CYP19A1: variants seen among roughly 807,000 people sequenced by gnomAD.
CYP19A1 encodes the protein aromatase.
A neutral mutation model predicts 44.4 loss-of-function variants in CYP19A1; 32 were observed. That is an observed-to-expected ratio of 0.72 (90% CI 0.54 to 0.97). The LOEUF is 0.97. Among genes scored for constraint, CYP19A1 ranks in the 50% least tolerant of loss-of-function variants. The pLI, the probability that CYP19A1 is intolerant of heterozygous loss-of-function variation, is 0.00. For synonymous variants in CYP19A1, 212 were observed against 215.6 expected (o/e 0.98, Z 0.14); for missense variants, 598 against 637.8 (o/e 0.94, Z 0.67).
intron 9 of CYP19A1, 21 bp downstream of exon 9, chr15:51,212,299 G>A (rs371472015): frequency 6.5e-7 from 1 of 1,546,666 alleles, no homozygotes; most frequent in African/African-American, 1.4e-5. Context: ...GGCACACTCA[G>A]TTTTAAGGAA....
chr15:51,236,870 G>T lies in CYP19A1; in HGVS notation c.285C>A (p.Leu95=). ...MRVWISGEET[L]IISKSSSMFH... is the part of the protein sequence containing the mutation. ...ATGAACAGACTCACTTGCTGATAAT[G>T]AGTGTTTCCTCTCCAGAGATCCAGA... The change falls in exon 3 of 10, where the codon CTC becomes CTA. Residue 95 remains leucine (L), a synonymous_variant. Transcript: ENST00000396402. 1.2e-6 allele frequency: 2 copies of T among 1,614,156 alleles called. No individual in the cohort carries two copies. Among genetic ancestry groups the T allele is most frequent in the Non-Finnish European group, 1.7e-6 (2 of 1,180,000 alleles).
chr15:51,225,461 C>G (rs891585138), intron 4 of CYP19A1, among the ~76,000 whole-genome samples: 14 of 152,178 alleles, frequency 9.2e-5, no homozygotes, highest in African/African-American at 3.4e-4. Context: ...AGTTTCATAA[C>G]ATTTATCACC....
intron 1 of CYP19A1, among the ~76,000 whole-genome samples, chr15:51,294,474 C>G (rs1375816387): frequency 1.7e-5 from 2 of 117,008 alleles, no homozygotes; most frequent in Non-Finnish European, 3.7e-5. Context: ...CCCCTCCGCC[C>G]GGCAGCTGCC....
At position 51,208,936 on chromosome 15, in the gene CYP19A1, A is replaced by C. The variant is rs1006287802; in HGVS notation, c.*1872T>G. The C allele has an allele frequency of 1.3e-5, 2 of 152,154 alleles. No homozygotes were observed. Among genetic ancestry groups the C allele is most frequent in the African/African-American group, 4.8e-5 (2 of 41,430 alleles). The allele number at this position is 152,154 out of a possible 1,614,324, so 9.4% of individuals were successfully genotyped here. On this transcript the variant is annotated 3_prime_UTR_variant, in exon 10 of 10. Transcript: ENST00000396402. Reference sequence around the variant, plus strand: ...CAAGAGTATTGGATGGGTGAAGTACATGGATCCAAAGTTGGGCTTCTTCCA... The same window carrying C: ...CAAGAGTATTGGATGGGTGAAGTACCTGGATCCAAAGTTGGGCTTCTTCCA...
At chr15:51,239,515 T>C (rs533561706) in intron 2 of CYP19A1, among the ~76,000 whole-genome samples, 40 of 152,266 alleles carry the variant, frequency 2.6e-4, no homozygotes, top group Admixed American at 1.6e-3. Context: ...AGAAACATAC[T>C]ATTGAGCAAA....
intron 1 of CYP19A1, among the ~76,000 whole-genome samples, chr15:51,273,768 G>A (rs977053541): frequency 6.6e-6 from 1 of 152,160 alleles, no homozygotes; most frequent in Non-Finnish European, 1.5e-5. Context: ...CACTTTGGGA[G>A]GCCAAGGTGG....
intron 3 of CYP19A1, among the ~76,000 whole-genome samples, chr15:51,233,296 C>A (rs1159106249): frequency 1.3e-5 from 2 of 152,246 alleles, no homozygotes; most frequent in Non-Finnish European, 2.9e-5. Context: ...GAAAGTCCCA[C>A]ATCCTGGGAA....
intron 1 of CYP19A1, among the ~76,000 whole-genome samples, chr15:51,267,483 C>A (rs1566903572): frequency 6.6e-6 from 1 of 152,200 alleles, no homozygotes; most frequent in Non-Finnish European, 1.5e-5. Flanking sequence ...CCCTCACAGG[C>A]GACCCAGCGT....
chr15:51,262,398 G>A (rs1418771829), intron 1 of CYP19A1, among the ~76,000 whole-genome samples: 5 of 152,052 alleles, frequency 3.3e-5, no homozygotes, highest in Non-Finnish European at 7.4e-5. Flanking sequence ...AATTCCTCTA[G>A]CGCACTGGGT....
intron 1 of CYP19A1, among the ~76,000 whole-genome samples, chr15:51,304,227 G>A (rs766910402): frequency 6.6e-6 from 1 of 152,146 alleles, no homozygotes. Context: ...CAAATGTTGA[G>A]TTGAAGTTCT....
At chr15:51,267,110 C>A (rs1160760595) in intron 1 of CYP19A1, among the ~76,000 whole-genome samples, 1 of 152,176 alleles carries the variant, frequency 6.6e-6, no homozygotes, top group African/African-American at 2.4e-5. Context: ...TCCTGCTTTT[C>A]ATGACAAAGA....
chr15:51,261,472 A>C (rs1300484347), intron 1 of CYP19A1, among the ~76,000 whole-genome samples: 1 of 152,246 alleles, frequency 6.6e-6, no homozygotes, highest in African/African-American at 2.4e-5. Context: ...AAAACTTCAT[A>C]AAAAAGCAAA....
intron 1 of CYP19A1, among the ~76,000 whole-genome samples, chr15:51,263,481 G>A (rs115419752): frequency 0.015 from 2,298 of 152,328 alleles, 53 homozygotes; most frequent in African/African-American, 0.053. Flanking sequence ...ACAGAGGTGT[G>A]GAGTTAGGGA....
intron 1 of CYP19A1, among the ~76,000 whole-genome samples, chr15:51,267,313 GC>G (rs1157598858): frequency 2.0e-5 from 3 of 152,106 alleles, no homozygotes; most frequent in African/African-American, 7.2e-5. Flanking sequence ...AATCTGCGCG[GC>G]CCAGTGCAAA....
At chr15:51,262,861 A>G (rs975966899) in intron 1 of CYP19A1, among the ~76,000 whole-genome samples, 1 of 152,204 alleles carries the variant, frequency 6.6e-6, no homozygotes, top group African/African-American at 2.4e-5. Context: ...CGGATTATGG[A>G]AGTGGTGAAT....
In CYP19A1 at chr15:51,210,719, T is replaced by G. The variant is rs1248925765; in HGVS notation, c.*89A>C. On this transcript the variant is annotated 3_prime_UTR_variant, in exon 10 of 10. Transcript: ENST00000396402. ...ATGCCATGGGCCACTGAGTGTTCAC[T>G]GTGAGGATGACACTATTGGCAAGGA... 2.2e-6 allele frequency: 2 copies of G among 896,882 alleles called. No individual in the cohort carries two copies. Among genetic ancestry groups the G allele is most frequent in the African/African-American group, 3.2e-5 (2 of 61,570 alleles). The allele number at this position is 896,882 out of a possible 1,614,324, so 55.6% of individuals were successfully genotyped here.
chr15:51,270,588 T>A lies in CYP19A1; in HGVS notation c.-38-27638A>T, dbSNP rs554788758. 7.2e-5 allele frequency among the ~76,000 whole-genome samples: 11 copies of A among 152,324 alleles called. No homozygotes were observed. In the South Asian group the frequency reaches 2.1e-3, roughly 29 times the overall value. ...ACACCTCCCCCATATTTTATAGGCA[T>A]CTTATCTCATTTGAGTCTTTAAAAT... On this transcript the variant is annotated intron_variant, in intron 1 of 9. Transcript: ENST00000396402.
At chr15:51,225,474 T>C (rs2032492773) in intron 4 of CYP19A1, among the ~76,000 whole-genome samples, 1 of 152,186 alleles carries the variant, frequency 6.6e-6, no homozygotes, top group Non-Finnish European at 1.5e-5. Context: ...TTATCACCTT[T>C]TGTGGATAGG....
chr15:51,235,033 C>T (rs1475767989), intron 3 of CYP19A1, among the ~76,000 whole-genome samples: 2 of 152,138 alleles, frequency 1.3e-5, no homozygotes, highest in South Asian at 2.1e-4. Context: ...GGTGGCTGTG[C>T]GGGGAAATGA....
Sources: gnomAD v4.1 joint callset for allele counts (sites outside exome capture counted in the v4.1 genomes callset) on GRCh38, gnomAD v4.1.1 for gene constraint, MANE v1.5 for transcripts, NCBI Gene and HGNC (gene_info 2026-07-23, HGNC 2026-07-21) for gene names.